Variants in GGT5 observed in about 807,000 individuals in gnomAD.
The protein encoded by GGT5 is glutathione hydrolase 5 proenzyme.
Under a neutral mutation model 58.1 loss-of-function variants are expected in GGT5, and 50 were observed. The observed-to-expected ratio is 0.86, with a 90% confidence interval of 0.69 to 1.09. The LOEUF is 1.09. GGT5 is among the 50% of genes least tolerant of loss of function. The probability of loss-of-function intolerance (pLI) is 0.00; values close to 1 mark genes in which losing one functional copy is unlikely to be tolerated. For missense variants in GGT5, 800 were observed against 789.4 expected (o/e 1.01, Z -0.16); for synonymous variants, 370 against 346.1 (o/e 1.07, Z -0.77).
At chr22:24,223,607 A>G (rs772075860) in intron 11 of GGT5, among the ~76,000 whole-genome samples, 1 of 152,020 alleles carries the variant, frequency 6.6e-6, no homozygotes, top group African/African-American at 2.4e-5. Context: ...AAGGTCTGAA[A>G]ACTAAGGCTC....
rs375317804 is a variant in GGT5, at chr22:24,220,105, C to G, written c.1626G>C (p.Arg542Ser). The G allele has an allele frequency of 1.9e-5, 30 of 1,614,014 alleles. No individual in the cohort carries two copies. The Middle Eastern group carries it at 6.6e-4, about 35-fold the overall frequency. The change falls in exon 12 of 12, where the codon AGG becomes AGC. Residue 542 changes from arginine to serine, a missense_variant. By Grantham distance (110) the Arg-to-Ser change is moderately radical (BLOSUM62 -1). Transcript: ENST00000327365. Reference sequence around the variant, plus strand: ...GGTTCTGGCCACGGTCTTGGAGTCCCCTCTGCACCTCCTGGAGAGGAGAGA... The same window carrying G: ...GGTTCTGGCCACGGTCTTGGAGTCCGCTCTGCACCTCCTGGAGAGGAGAGA... ...YEPNFSQEVQ[R>S]GLQDRGQNQT...
In GGT5 at chr22:24,232,901, C is replaced by T. The variant is rs201901417; in HGVS notation, c.518G>A (p.Gly173Glu). ...GCTGAGGACAGGGGCCACCACATGC[C>T]CCCCTCGGAGCAGCGCGATGGTGGG... The part of the protein sequence containing the change: ...FQPTIALLRG[G>E]HVVAPVLSRF... The change falls in exon 4 of 12, where the codon GGG becomes GAG. Residue 173 changes from glycine to glutamate, a missense_variant. Transcript: ENST00000327365. 1 of 1,584,460 alleles carries T rather than the reference C, an allele frequency of 6.3e-7. No individual in the cohort carries two copies. Among genetic ancestry groups the T allele is most frequent in the Non-Finnish European group, 8.6e-7 (1 of 1,164,988 alleles).
At chr22:24,236,494 T>A (rs764523099) in intron 1 of GGT5, among the ~76,000 whole-genome samples, 4 of 152,182 alleles carry the variant, frequency 2.6e-5, no homozygotes, top group Non-Finnish European at 4.4e-5. Flanking sequence ...CCGGGCGCGG[T>A]GGCTCATGCC....
chr22:24,225,129 A>G (rs746671447), intron 10 of GGT5, 23 bp from the exon 11 acceptor site: 11 of 1,587,286 alleles, frequency 6.9e-6, no homozygotes, highest in Non-Finnish European at 9.5e-6. Context: ...TGAGGGTTTC[A>G]GGGAGAAAGG....
At chr22:24,237,589 A>C (rs1178293707) in intron 1 of GGT5, among the ~76,000 whole-genome samples, 1 of 151,990 alleles carries the variant, frequency 6.6e-6, no homozygotes, top group Non-Finnish European at 1.5e-5. Flanking sequence ...TTGTATTTTC[A>C]GTAGAGACAG....
intron 1 of GGT5, 179 bp downstream of exon 1, chr22:24,244,365 ACCCACACTC>A (rs1328917300): frequency 1.6e-6 from 1 of 607,408 alleles, no homozygotes. Context: ...ATTCACACAC[ACCCACACTC>A]CCCACACTCA....
Position 24,232,944 on chromosome 22 carries a change from A to G in GGT5, c.475T>C (p.Trp159Arg). ...ATGGTGGGCTGGAACAGCTGCGCCC[A>G]GGGCAGGCGGCCATGGCGGCGGTGG... ...EAHRRHGRLPWAQLFQPTIAL... is the reference protein window; with the variant it reads ...EAHRRHGRLPRAQLFQPTIAL... The change falls in exon 4 of 12, where the codon TGG (tryptophan) becomes CGG (arginine). Residue 159 changes from tryptophan (W) to arginine (R), a missense_variant. Trp to Arg is a moderately radical substitution (Grantham distance 101). Coordinates refer to ENST00000327365, the MANE Select transcript of GGT5 (RefSeq NM_004121.5). 6.4e-7 allele frequency: 1 copy of G among 1,570,724 alleles called. No individual in the cohort carries two copies. The highest frequency in any genetic ancestry group is 1.2e-5 in the South Asian group (1 of 85,572).
At chr22:24,236,425 T>C (rs1396531816) in intron 1 of GGT5, among the ~76,000 whole-genome samples, 1 of 152,138 alleles carries the variant, frequency 6.6e-6, no homozygotes, top group East Asian at 1.9e-4. Flanking sequence ...AATGGCCTCC[T>C]ACCCAGGCCC....
chr22:24,222,830 C>T (rs1041951737), intron 11 of GGT5, among the ~76,000 whole-genome samples: 1 of 152,178 alleles, frequency 6.6e-6, no homozygotes, highest in Non-Finnish European at 1.5e-5. Flanking sequence ...ATAATCCCAG[C>T]ACTTTGGGAG....
At position 24,219,930 on chromosome 22, in the gene GGT5, C is replaced by T; in HGVS notation, c.*40G>A. ...CCATGTCCGGCCTGGACACAGGACT[C>T]ATGGTGGGGCCAGACTTCAGCTCTG... On this transcript the variant is annotated 3_prime_UTR_variant, in exon 12 of 12. Transcript: ENST00000327365. The T allele has an allele frequency of 1.2e-6, 2 of 1,604,824 alleles. No homozygotes were observed. Among genetic ancestry groups the T allele is most frequent in the Non-Finnish European group, 1.7e-6 (2 of 1,172,668 alleles).
intron 1 of GGT5, chr22:24,243,802 A>G (rs902702548): frequency 3.3e-5 from 5 of 152,280 alleles, no homozygotes; most frequent in Admixed American, 2.6e-4. Context: ...ACCAAGTATC[A>G]GTCACTCAGC....
intron 6 of GGT5, among the ~76,000 whole-genome samples, chr22:24,228,062 A>C (rs201940747): frequency 0.013 from 1,585 of 122,032 alleles, 85 homozygotes; most frequent in South Asian, 0.1. Flanking sequence ...AAAAAAAAAA[A>C]AAAACAAAAC....
intron 1 of GGT5, among the ~76,000 whole-genome samples, chr22:24,240,622 G>A (rs916058057): frequency 3.3e-5 from 5 of 151,882 alleles, no homozygotes; most frequent in Non-Finnish European, 7.4e-5. Flanking sequence ...CCAAGTAGCT[G>A]GGACTACAAG....
At chr22:24,222,088 A>G (rs1346763428) in intron 11 of GGT5, among the ~76,000 whole-genome samples, 1 of 152,090 alleles carries the variant, frequency 6.6e-6, no homozygotes, top group Non-Finnish European at 1.5e-5. Context: ...CTGAGACATG[A>G]GAATTGCTTG....
chr22:24,233,585 C>CT lies in GGT5; in HGVS notation c.312_313insA (p.Glu105ArgfsTer209). ...ACCGTCTCCCGGGCATTGATGACCT[C>CT]CACCTTCCCTGGAGTAGGGCAGGGC... is the stretch of plus-strand genomic sequence containing the variant. On this transcript the variant is annotated frameshift_variant, in exon 3 of 12. Coordinates refer to ENST00000327365, the MANE Select transcript of GGT5 (RefSeq NM_004121.5). LOFTEE classifies it high-confidence loss of function. The CT allele has an allele frequency of 6.2e-7, 1 of 1,605,644 alleles. No individual in the cohort carries two copies. Among genetic ancestry groups the CT allele is most frequent in the Non-Finnish European group, 8.5e-7 (1 of 1,175,862 alleles).
chr22:24,232,017 C>A, intron 5 of GGT5, 34 bp downstream of exon 5: 6 of 1,590,686 alleles, frequency 3.8e-6, no homozygotes, highest in Non-Finnish European at 1.7e-6. Flanking sequence ...CTTCCTCCAG[C>A]AGGGATGGGG....
At position 24,232,208 on chromosome 22, in the gene GGT5, GCT is replaced by G; in HGVS notation, c.597-2_597-1del. 3 of 1,462,442 alleles carry G rather than the reference GCT, an allele frequency of 2.1e-6. No individual in the cohort carries two copies. The highest frequency in any genetic ancestry group is 2.8e-6 in the Non-Finnish European group (3 of 1,089,700). 90.6% of individuals were successfully genotyped at this position (1,462,442 alleles called of 1,614,324 possible). ...GTTCTGTCCCGTTGAAGAAGAGCTG[GCT>G]GGGGGGTGGGGGGAGCCTCAGGGTG... On this transcript the variant is annotated splice_acceptor_variant, in intron 4 of 11. Transcript: ENST00000327365. LOFTEE classifies it high-confidence loss of function.
chr22:24,238,699 G>A (rs1387135053), intron 1 of GGT5, among the ~76,000 whole-genome samples: 13 of 88,732 alleles, frequency 1.5e-4, no homozygotes, highest in East Asian at 6.4e-4. Flanking sequence ...GCAAGACACC[G>A]TCTCAAAAAA....
At chr22:24,225,961 A>G in intron 8 of GGT5, 115 bp downstream of exon 8, 3 of 736,260 alleles carry the variant, frequency 4.1e-6, no homozygotes, top group Middle Eastern at 3.3e-4. Flanking sequence ...GAGGAGAAAA[A>G]GGGCAAAAGC....
Sources: allele counts gnomAD v4.1 joint callset (sites outside exome capture counted in the v4.1 genomes callset), GRCh38; gene constraint gnomAD v4.1.1; transcripts MANE v1.5; gene names NCBI Gene and HGNC (gene_info 2026-07-23, HGNC 2026-07-21).